Variants in USO1 observed in about 807,000 individuals in gnomAD.
The protein encoded by USO1 is general vesicular transport factor p115.
USO1 carries 57 observed loss-of-function variants against 124.5 expected under a neutral mutation model. That is an observed-to-expected ratio of 0.46 (90% CI 0.37 to 0.57). USO1 has a LOEUF of 0.57. USO1 is among the 20% of genes least tolerant of loss of function. USO1 has a pLI of 0.00. For synonymous variants in USO1, 369 were observed against 362.8 expected, an observed-to-expected ratio of 1.02 and a Z score of -0.19; for missense variants, 900 against 1,040.6, an observed-to-expected ratio of 0.86 and a Z score of 1.86.
chr4:75,757,227 A>C (rs1721473661), intron 3 of USO1, among the ~76,000 whole-genome samples: 1 of 152,120 alleles, frequency 6.6e-6, no homozygotes, highest in African/African-American at 2.4e-5. Flanking sequence ...TCAGGATTCA[A>C]AGTAAAAAAA....
intron 10 of USO1, among the ~76,000 whole-genome samples, chr4:75,789,438 G>C (rs1430374728): frequency 2.0e-5 from 3 of 152,036 alleles, no homozygotes; most frequent in South Asian, 2.1e-4. Flanking sequence ...ACCTTACCCA[G>C]CTAATTTTGT....
At chr4:75,757,600 T>A (rs780673658) in intron 4 of USO1, 27 bp downstream of exon 4, 25 of 1,438,170 alleles carry the variant, frequency 1.7e-5, no homozygotes, top group Non-Finnish European at 2.2e-5. Flanking sequence ...TTTTACTGTG[T>A]TTTCTGTACT....
In USO1 at chr4:75,792,021, T is replaced by G. The variant is rs1389019492; in HGVS notation, c.1240+1224T>G. Among the ~76,000 whole-genome samples the G allele has an allele frequency of 4.2e-5, 6 of 144,370 alleles. No individual in the cohort carries two copies. In the East Asian group the frequency reaches 5.8e-4, roughly 14 times the overall value. The allele number at this position is 144,370 out of a possible 152,430, so 94.7% of individuals were successfully genotyped here. A position where few individuals can be genotyped will look rare whatever the true frequency, so the allele number is the denominator to read the frequency against. ...TCCCAAATCTGAAATCTGAAATGCTTCTTTTTTTTTTTTTTTTAACATTCC... is the reference window on the plus strand; with the variant it reads ...TCCCAAATCTGAAATCTGAAATGCTGCTTTTTTTTTTTTTTTTAACATTCC... On this transcript the variant is annotated intron_variant, in intron 12 of 23. Coordinates refer to ENST00000514213, the MANE Select transcript of USO1 (RefSeq NM_003715.4).
intron 1 of USO1, among the ~76,000 whole-genome samples, chr4:75,733,935 ATTTTTT>A (rs869308522): frequency 1.0e-4 from 8 of 77,088 alleles, no homozygotes; most frequent in African/African-American, 3.3e-4. Flanking sequence ...TTCTTCGAGG[ATTTTTT>A]TTTTTTTTTT....
At chr4:75,745,832 A>G (rs1233494455) in intron 1 of USO1, among the ~76,000 whole-genome samples, 4 of 152,118 alleles carry the variant, frequency 2.6e-5, no homozygotes, top group African/African-American at 4.8e-5. Flanking sequence ...TCCAGGAGGC[A>G]GAGGTTGCAG....
chr4:75,768,905 A>G (rs1046220885), intron 4 of USO1, among the ~76,000 whole-genome samples: 16 of 152,336 alleles, frequency 1.1e-4, no homozygotes, highest in African/African-American at 3.6e-4. Flanking sequence ...TGGTATATGC[A>G]CTTGGATTTT....
chr4:75,748,229 T>C (rs940470770), intron 1 of USO1, among the ~76,000 whole-genome samples: 7 of 147,796 alleles, frequency 4.7e-5, no homozygotes, highest in Non-Finnish European at 9.0e-5. Context: ...TTTTTTTTTT[T>C]ACAGGCTGGA....
intron 10 of USO1, 29 bp from the exon 11 acceptor site, chr4:75,790,121 A>C: frequency 6.5e-7 from 1 of 1,532,700 alleles, no homozygotes; most frequent in Middle Eastern, 1.7e-4. Flanking sequence ...ATTTCTCTAA[A>C]TGTTCTTTTT....
rs1161609082 is a variant in USO1, at chr4:75,752,907, G to A, written c.218+303G>A. Among the ~76,000 whole-genome samples, 5 of 152,270 alleles carry A rather than the reference G, an allele frequency of 3.3e-5. No individual in the cohort carries two copies. The East Asian group carries it at 9.6e-4, about 29-fold the overall frequency. On this transcript the variant is annotated intron_variant, in intron 3 of 23. Transcript: ENST00000514213. ...TAAAGATTTATTGGACAGAGTGCGA[G>A]CCACTGTGTTAAGCATAAAACAGAC...
intron 1 of USO1, among the ~76,000 whole-genome samples, chr4:75,740,180 A>T (rs1236311631): frequency 1.3e-5 from 2 of 152,224 alleles, no homozygotes; most frequent in Non-Finnish European, 2.9e-5. Context: ...AAAAAATTTT[A>T]AAAAGGTGTC....
chr4:75,767,454 G>A, intron 4 of USO1: 4 of 446,546 alleles, frequency 9.0e-6, no homozygotes, highest in Admixed American at 7.3e-5. Context: ...TTAAAAGTTT[G>A]TAACTCTTGG....
At chr4:75,729,497 G>A (rs920525662) in intron 1 of USO1, among the ~76,000 whole-genome samples, 6 of 152,012 alleles carry the variant, frequency 3.9e-5, no homozygotes, top group African/African-American at 1.2e-4. Flanking sequence ...ACGCCACCAC[G>A]CCAGGCTAAT....
At chr4:75,726,087 G>A (rs1720439125) in intron 1 of USO1, among the ~76,000 whole-genome samples, 2 of 152,162 alleles carry the variant, frequency 1.3e-5, no homozygotes, top group South Asian at 4.1e-4. Flanking sequence ...TTCGAGACCA[G>A]CCTGACCAAC....
At chr4:75,795,840 A>C (rs1220526511) in intron 13 of USO1, among the ~76,000 whole-genome samples, 1 of 152,146 alleles carries the variant, frequency 6.6e-6, no homozygotes, top group Admixed American at 6.6e-5. Flanking sequence ...AATATTATGG[A>C]TTATTCTGAA....
At chr4:75,773,122 G>A (rs994929352) in intron 7 of USO1, among the ~76,000 whole-genome samples, 3 of 151,938 alleles carry the variant, frequency 2.0e-5, no homozygotes, top group African/African-American at 7.3e-5. Context: ...AATAATAACT[G>A]CATTAATTCT....
intron 13 of USO1, among the ~76,000 whole-genome samples, chr4:75,795,112 TCA>T (rs1419762927): frequency 5.3e-5 from 8 of 152,196 alleles, no homozygotes; most frequent in Admixed American, 2.0e-4. Flanking sequence ...TCTTAAGTAA[TCA>T]CAGTGCTATA....
chr4:75,734,737 T>C (rs1720739462), intron 1 of USO1, among the ~76,000 whole-genome samples: 1 of 132,032 alleles, frequency 7.6e-6, no homozygotes, highest in Non-Finnish European at 1.6e-5. Flanking sequence ...TTTTTTTTTT[T>C]TTTTTTTTTG....
chr4:75,752,579 C>T lies in USO1; in HGVS notation c.193C>T (p.Leu65Phe). 2.5e-6 allele frequency: 1 copy of T among 398,460 alleles called. No homozygotes were observed. The highest frequency in any genetic ancestry group is 4.4e-6 in the Non-Finnish European group (1 of 226,036). 24.7% of individuals were successfully genotyped at this position (398,460 alleles called of 1,614,324 possible). ...AGTGGGTATACAAGCTATGGAACAT[C>T]TTATTCATGTTTTACAAACAGATCG... is the stretch of plus-strand genomic sequence containing the variant. ...LEVGIQAMEHLIHVLQTDRSD... is the reference protein window; with the variant it reads ...LEVGIQAMEHFIHVLQTDRSD... The change falls in exon 3 of 24, where the codon CTT (leucine) becomes TTT (phenylalanine). Residue 65 changes from leucine to phenylalanine, a missense_variant. Physicochemically the swap from Leu to Phe is conservative, Grantham distance 22. Around this residue, in one of 2 missense-constraint regions of USO1, gnomAD observed 538 missense variants for 681.6 expected, o/e 0.79. Coordinates refer to ENST00000514213, the MANE Select transcript of USO1 (RefSeq NM_003715.4).
chr4:75,773,519 C>G (rs559380149), intron 7 of USO1, among the ~76,000 whole-genome samples: 1 of 152,176 alleles, frequency 6.6e-6, no homozygotes, highest in East Asian at 1.9e-4. Flanking sequence ...AGTAGGGCAA[C>G]CAATTTTTTA....
Sources: gnomAD v4.1 joint callset for allele counts (sites outside exome capture counted in the v4.1 genomes callset) on GRCh38, gnomAD v4.1.1 for gene constraint, gnomAD v4.1.1 regional missense constraint, MANE v1.5 for transcripts, NCBI Gene and HGNC (gene_info 2026-07-23, HGNC 2026-07-21) for gene names.